Variants in PEAK1 observed in about 807,000 individuals in gnomAD.
The protein encoded by PEAK1 is pseudopodium enriched atypical kinase 1, also known as inactive tyrosine-protein kinase PEAK1.
PEAK1 carries 54 observed loss-of-function variants against 124.7 expected under a neutral mutation model. The ratio of observed to expected loss-of-function variants is 0.43; its 90% CI spans 0.35 to 0.54. PEAK1 has a LOEUF of 0.54. Ranked by LOEUF, PEAK1 falls within the 20% of genes least tolerant of loss-of-function variation. The pLI, the probability that PEAK1 is intolerant of heterozygous loss-of-function variation, is 0.01. For synonymous variants in PEAK1, 719 were observed against 760.0 expected (o/e 0.95, Z 0.89); for missense variants, 2,046 against 2,134.5 (o/e 0.96, Z 0.82).
At chr15:77,211,267 C>T (rs943344253) in intron 6 of PEAK1, among the ~76,000 whole-genome samples, 2 of 152,200 alleles carry the variant, frequency 1.3e-5, no homozygotes, top group East Asian at 1.9e-4. Flanking sequence ...GGCATGTAAG[C>T]TTATTTTATC....
chr15:77,291,938 C>T (rs2063234144), intron 2 of PEAK1, among the ~76,000 whole-genome samples: 1 of 148,180 alleles, frequency 6.7e-6, no homozygotes, highest in South Asian at 2.1e-4. Context: ...GATTGTGCCA[C>T]TGCACTTCAG....
At chr15:77,121,324 T>A (rs1367934012) in intron 9 of PEAK1, among the ~76,000 whole-genome samples, 2 of 152,206 alleles carry the variant, frequency 1.3e-5, no homozygotes, top group East Asian at 1.9e-4. Context: ...TTGCTCCATA[T>A]GTCTGTAAAA....
At chr15:77,217,162 G>A (rs1008181783) in intron 6 of PEAK1, among the ~76,000 whole-genome samples, 6 of 148,954 alleles carry the variant, frequency 4.0e-5, no homozygotes, top group Admixed American at 1.4e-4. Flanking sequence ...ATGAGATGTC[G>A]AGGTGGCAGT....
At chr15:77,143,760 T>G (rs1280822839) in intron 8 of PEAK1, among the ~76,000 whole-genome samples, 1 of 152,208 alleles carries the variant, frequency 6.6e-6, no homozygotes, top group East Asian at 1.9e-4. Context: ...CCTGTGAATA[T>G]TTCTCTGTAA....
At chr15:77,342,236 TC>T (rs2066587314) in intron 2 of PEAK1, among the ~76,000 whole-genome samples, 1 of 151,608 alleles carries the variant, frequency 6.6e-6, no homozygotes, top group Admixed American at 6.6e-5. Context: ...TTAAGTATAT[TC>T]ACATTGTTGT....
intron 7 of PEAK1, among the ~76,000 whole-genome samples, chr15:77,166,964 C>T (rs1443015216): frequency 6.6e-6 from 1 of 152,154 alleles, no homozygotes; most frequent in African/African-American, 2.4e-5. Context: ...TGCAGGTTCT[C>T]AGCTCCCATC....
intron 6 of PEAK1, among the ~76,000 whole-genome samples, chr15:77,226,985 C>A (rs187874852): frequency 1.9e-4 from 29 of 152,260 alleles, no homozygotes; most frequent in African/African-American, 5.8e-4. Context: ...TTCTATTTTA[C>A]TATATGGCAG....
In PEAK1 at chr15:77,179,433, G is replaced by A. The variant is rs377132432; in HGVS notation, c.2494C>T (p.Pro832Ser). 65 of 1,614,134 alleles carry A rather than the reference G, an allele frequency of 4.0e-5. No individual in the cohort carries two copies. The African/African-American group carries it at 7.9e-4, about 20-fold the overall frequency. ...GTGGTAGGACTGTCTGTGGTCTGAGGTGCTTCAGCCTCACCACTAGGCTGA... is the reference window on the plus strand; with the variant it reads ...GTGGTAGGACTGTCTGTGGTCTGAGATGCTTCAGCCTCACCACTAGGCTGA... ...TSQPSGEAEA[P>S]QTTDSPTTKV... Residue 832 changes from proline to serine, a missense_variant, in exon 7 of 10, where the codon CCT (proline) becomes TCT (serine). By Grantham distance (74) the Pro-to-Ser change is moderately conservative (BLOSUM62 -1). Coordinates refer to ENST00000682557, the MANE Select transcript of PEAK1 (RefSeq NM_001385026.1).
At chr15:77,280,997 T>C (rs911440304) in intron 5 of PEAK1, among the ~76,000 whole-genome samples, 3 of 151,974 alleles carry the variant, frequency 2.0e-5, no homozygotes, top group Non-Finnish European at 2.9e-5. Context: ...CCATCTCTAC[T>C]GAAAATACAA....
At chr15:77,288,424 T>C (rs2063037499) in intron 2 of PEAK1, among the ~76,000 whole-genome samples, 1 of 152,192 alleles carries the variant, frequency 6.6e-6, no homozygotes, top group Non-Finnish European at 1.5e-5. Context: ...AGCATACTTC[T>C]CTACACCACC....
At chr15:77,163,168 A>G (rs2055810886) in intron 7 of PEAK1, among the ~76,000 whole-genome samples, 1 of 152,206 alleles carries the variant, frequency 6.6e-6, no homozygotes. Flanking sequence ...ACAGACAGAC[A>G]ACACAGAAGA....
Position 77,348,610 on chromosome 15 carries a change from T to C in PEAK1, c.-603+16553A>G, listed in dbSNP as rs1213832835. The C allele has an allele frequency of 4.1e-6, 4 of 982,566 alleles. No individual in the cohort carries two copies. The Admixed American group carries it at 1.8e-4, about 45-fold the overall frequency. The allele number at this position is 982,566 out of a possible 1,614,324, so 60.9% of individuals were successfully genotyped here. A position where few individuals can be genotyped will look rare whatever the true frequency, so the allele number is the denominator to read the frequency against. On this transcript the variant is annotated intron_variant, in intron 2 of 9. Transcript: ENST00000682557. Reference sequence around the variant, plus strand: ...GCAGGCAGAAAAAGGGCTAAAATCTTGCTTAATTCCTAAATGTGGTATACA... The same window carrying C: ...GCAGGCAGAAAAAGGGCTAAAATCTCGCTTAATTCCTAAATGTGGTATACA...
chr15:77,333,609 T>C, intron 2 of PEAK1: 1 of 956,238 alleles, frequency 1.0e-6, no homozygotes, highest in Non-Finnish European at 1.2e-6. Context: ...TCTGAAATCT[T>C]AGCTCATGGC....
intron 8 of PEAK1, among the ~76,000 whole-genome samples, chr15:77,143,188 A>T (rs2053921193): frequency 6.6e-6 from 1 of 152,170 alleles, no homozygotes; most frequent in Admixed American, 6.5e-5. Flanking sequence ...ACGTCAGACC[A>T]TGGTTTATTT....
chr15:77,337,910 A>T (rs1177813558), intron 2 of PEAK1: 1 of 984,796 alleles, frequency 1.0e-6, no homozygotes, highest in East Asian at 1.1e-4. Flanking sequence ...ATTACAGCTA[A>T]ATCTGTCAAT....
At chr15:77,244,633 G>A (rs2060498921) in intron 6 of PEAK1, among the ~76,000 whole-genome samples, 1 of 151,550 alleles carries the variant, frequency 6.6e-6, no homozygotes, top group African/African-American at 2.4e-5. Flanking sequence ...CTGTCACCCA[G>A]GCTGGACTGC....
At chr15:77,205,160 T>G (rs2058570947) in intron 6 of PEAK1, 1 of 274,268 alleles carries the variant, frequency 3.6e-6, no homozygotes, top group Non-Finnish European at 6.9e-6. Flanking sequence ...TTCAGAGGAA[T>G]ATTTTTATCA....
intron 6 of PEAK1, among the ~76,000 whole-genome samples, chr15:77,197,914 C>A (rs572422143): frequency 6.6e-6 from 1 of 151,572 alleles, no homozygotes; most frequent in Non-Finnish European, 1.5e-5. Context: ...CGCAGACAAA[C>A]CATGTAACCT....
chr15:77,115,019 C>T lies in PEAK1; in HGVS notation c.4378G>A (p.Val1460Met). ...CATGGAACCTCCCTGGTGATGACCA[C>T]AACGTGGCTCCTCTGCTTCTTGCTC... ...VMSKKQRSHV[V>M]VITREVPCLT... is the part of the protein sequence containing the mutation. Residue 1460 changes from valine to methionine, a missense_variant, in exon 10 of 10, where the codon GTG (valine) becomes ATG (methionine). Coordinates refer to ENST00000682557, the MANE Select transcript of PEAK1 (RefSeq NM_001385026.1). 4 of 1,614,160 alleles carry T rather than the reference C, an allele frequency of 2.5e-6. No homozygotes were observed. The highest frequency in any genetic ancestry group is 3.4e-6 in the Non-Finnish European group (4 of 1,180,024).
Sources: allele counts gnomAD v4.1 joint callset (sites outside exome capture counted in the v4.1 genomes callset), GRCh38; gene constraint gnomAD v4.1.1; transcripts MANE v1.5; gene names NCBI Gene and HGNC (gene_info 2026-07-23, HGNC 2026-07-21).